Variants in DCAF1 observed in about 807,000 individuals in gnomAD.
The protein encoded by DCAF1 is DDB1- and CUL4-associated factor 1.
A neutral mutation model predicts 128.0 loss-of-function variants in DCAF1; 15 were observed. The ratio of observed to expected loss-of-function variants is 0.12; its 90% confidence interval spans 0.08 to 0.18. The LOEUF is 0.18. Ranked by LOEUF, DCAF1 falls within the 10% of genes least tolerant of loss-of-function variation. The pLI, the probability that DCAF1 is intolerant of heterozygous loss-of-function variation, is 1.00. For synonymous variants in DCAF1, 610 were observed against 603.0 expected (o/e 1.01, Z -0.17); for missense variants, 988 against 1,649.5 (o/e 0.60, Z 6.95).
At chr3:51,499,433 G>A (rs1577352717) in intron 1 of DCAF1, among the ~76,000 whole-genome samples, 1 of 152,350 alleles carries the variant, frequency 6.6e-6, no homozygotes, top group Non-Finnish European at 1.5e-5. Context: ...GACTGGAGCT[G>A]GAGGCGGAGA....
chr3:51,494,890 AACATAT>A (rs1311039891), intron 2 of DCAF1, among the ~76,000 whole-genome samples: 6 of 152,170 alleles, frequency 3.9e-5, no homozygotes, highest in Non-Finnish European at 8.8e-5. Flanking sequence ...TCAACTTAGA[AACATAT>A]ACATATATAC....
At chr3:51,491,137 C>G (rs1707593393) in intron 2 of DCAF1, among the ~76,000 whole-genome samples, 1 of 150,894 alleles carries the variant, frequency 6.6e-6, no homozygotes, top group Non-Finnish European at 1.5e-5. Context: ...ATCACAAGGT[C>G]AAGAGATCGA....
chr3:51,438,127 G>T, intron 9 of DCAF1: 1 of 404,516 alleles, frequency 2.5e-6, no homozygotes. Flanking sequence ...GTGTGGTTAT[G>T]CATTTTTTTT....
Position 51,413,393 on chromosome 3 carries a change from G to A in DCAF1, c.3932-7C>T, listed in dbSNP as rs782176896. ...TCATCTGCCTGCAACATAGCTTGAGGGGGAGTGGGGGAGGAAACACTATTA... is the reference window on the plus strand; with the variant it reads ...TCATCTGCCTGCAACATAGCTTGAGAGGGAGTGGGGGAGGAAACACTATTA... On this transcript the variant is annotated splice_region_variant and splice_polypyrimidine_tract_variant and intron_variant, in intron 20 of 24. Coordinates refer to ENST00000684031, the MANE Select transcript of DCAF1 (RefSeq NM_001387579.1). 3 of 1,609,054 alleles carry A rather than the reference G, an allele frequency of 1.9e-6. No homozygotes were observed. The highest frequency in any genetic ancestry group is 1.7e-5 in the Admixed American group (1 of 59,230).
At chr3:51,493,835 G>T (rs1281088046) in intron 2 of DCAF1, among the ~76,000 whole-genome samples, 1 of 151,612 alleles carries the variant, frequency 6.6e-6, no homozygotes, top group African/African-American at 2.4e-5. Context: ...CGTCTCTACT[G>T]AAAGTACAAA....
chr3:51,404,183 A>G (rs1273855206), intron 23 of DCAF1, among the ~76,000 whole-genome samples: 2 of 152,236 alleles, frequency 1.3e-5, no homozygotes, highest in East Asian at 1.9e-4. Context: ...GGGAGAGGAC[A>G]CAAAGATACC....
chr3:51,491,115 C>T (rs1427799092), intron 2 of DCAF1, among the ~76,000 whole-genome samples: 1 of 150,258 alleles, frequency 6.7e-6, no homozygotes, highest in Non-Finnish European at 1.5e-5. Context: ...TTTGGGAGGT[C>T]GAGGCAGGTG....
chr3:51,479,526 C>T (rs1366482869), intron 3 of DCAF1, among the ~76,000 whole-genome samples: 2 of 151,852 alleles, frequency 1.3e-5, no homozygotes, highest in East Asian at 1.9e-4. Context: ...CGGTGGCTCA[C>T]GCCTGTAATC....
chr3:51,416,065 G>C (rs377331153), intron 18 of DCAF1, among the ~76,000 whole-genome samples: 27 of 152,146 alleles, frequency 1.8e-4, no homozygotes, highest in African/African-American at 6.0e-4. Flanking sequence ...CTCTGACCTG[G>C]AAGGCTGCTC....
At chr3:51,424,612 A>C (rs576569355) in intron 13 of DCAF1, among the ~76,000 whole-genome samples, 1 of 152,344 alleles carries the variant, frequency 6.6e-6, no homozygotes, top group South Asian at 2.1e-4. Context: ...TAATAGCCAA[A>C]AAAACCAAAC....
intron 3 of DCAF1, among the ~76,000 whole-genome samples, chr3:51,474,448 A>G (rs962395001): frequency 6.6e-6 from 1 of 152,136 alleles, no homozygotes; most frequent in South Asian, 2.1e-4. Context: ...AATATAAAAG[A>G]GTTAAACTCT....
chr3:51,442,802 C>T (rs1307544356), intron 7 of DCAF1, among the ~76,000 whole-genome samples: 1 of 152,120 alleles, frequency 6.6e-6, no homozygotes, highest in Non-Finnish European at 1.5e-5. Flanking sequence ...CACTTGGAAG[C>T]TGTTATCCTC....
Position 51,413,987 on chromosome 3 carries a change from G to A in DCAF1, c.3894C>T (p.Arg1298=), listed in dbSNP as rs150164231. 6.2e-4 allele frequency: 996 copies of A among 1,603,188 alleles called. 2 individuals carry two copies. The highest frequency in any genetic ancestry group is 4.8e-3 in the South Asian group (425 of 87,926). The change falls in exon 20 of 25, where the codon CGC becomes CGT. Residue 1298 remains arginine, a synonymous_variant. Transcript: ENST00000684031. The stretch of plus-strand genomic sequence containing the variant: ...CTGTTCCCGTGTGATTGAACACCAC[G>A]CGACACTGATCCAGAGCGGGAACAG... ...LHTVPALDQC[R]VVFNHTGTVM...
intron 6 of DCAF1, among the ~76,000 whole-genome samples, chr3:51,452,323 T>C (rs1212811280): frequency 6.6e-6 from 1 of 152,152 alleles, no homozygotes; most frequent in Non-Finnish European, 1.5e-5. Flanking sequence ...GAAATAATGA[T>C]TTCTGACTCA....
chr3:51,487,031 A>C (rs1214480455), intron 2 of DCAF1, among the ~76,000 whole-genome samples: 10 of 151,342 alleles, frequency 6.6e-5, no homozygotes, highest in African/African-American at 1.7e-4. Flanking sequence ...GCAGTGGCAC[A>C]ATCTCAGCTC....
intron 16 of DCAF1, 24 bp downstream of exon 16, chr3:51,418,654 A>C (rs373052806): frequency 5.7e-6 from 9 of 1,587,184 alleles, no homozygotes; most frequent in Non-Finnish European, 7.7e-6. Flanking sequence ...AATGACTGAG[A>C]GCATCCTAGG....
chr3:51,417,737 GA>G (rs782765221), intron 17 of DCAF1, among the ~76,000 whole-genome samples: 7 of 79,480 alleles, frequency 8.8e-5, no homozygotes, highest in African/African-American at 1.4e-4. Context: ...ATAAAAAAAA[GA>G]AAAAAAAAAG....
chr3:51,457,945 G>A (rs558468279), intron 6 of DCAF1, among the ~76,000 whole-genome samples: 1 of 152,304 alleles, frequency 6.6e-6, no homozygotes, highest in Non-Finnish European at 1.5e-5. Flanking sequence ...ACCGGTACCA[G>A]CCACTGCAAA....
rs542632152 is a variant in DCAF1 at position 51,397,962 on chromosome 3, T to C, written c.*807A>G. ...GGAGAAAGGGAAGAAAAAAAGATTT[T>C]TGAAAAACTGAATCACAAAGAAAAA... On this transcript the variant is annotated 3_prime_UTR_variant, in exon 25 of 25. Transcript: ENST00000684031. 6.0e-6 allele frequency: 1 copy of C among 166,616 alleles called. No homozygotes were observed. Among genetic ancestry groups the C allele is most frequent in the East Asian group, 1.9e-4 (1 of 5,188 alleles). 10.3% of individuals were successfully genotyped at this position (166,616 alleles called of 1,614,324 possible).
Sources: gnomAD v4.1 joint callset for allele counts (sites outside exome capture counted in the v4.1 genomes callset) on GRCh38, gnomAD v4.1.1 for gene constraint, MANE v1.5 for transcripts, NCBI Gene and HGNC (gene_info 2026-07-23, HGNC 2026-07-21) for gene names.